The following UBE2E2 variants were observed in gnomAD, a reference collection of about 807,000 sequenced individuals.
The protein encoded by UBE2E2 is ubiquitin conjugating enzyme E2 E2.
A neutral mutation model predicts 24.7 loss-of-function variants in UBE2E2; 6 were observed. That is an observed-to-expected ratio of 0.24 (90% CI 0.13 to 0.48). The LOEUF (loss-of-function observed/expected upper bound fraction) is 0.48, where lower values mean the gene tolerates loss of function less well. Among genes scored for constraint, UBE2E2 ranks in the 20% least tolerant of loss-of-function variants. The pLI, the probability that UBE2E2 is intolerant of heterozygous loss-of-function variation, is 0.99. For missense variants in UBE2E2, 169 were observed against 245.0 expected, an observed-to-expected ratio of 0.69 and a Z score of 2.07; for synonymous variants, 104 against 83.6, an observed-to-expected ratio of 1.24 and a Z score of -1.33.
rs899945266 is a variant in UBE2E2, at chr3:23,583,163, C to G, written c.509-6571C>G. 6.6e-6 allele frequency among the ~76,000 whole-genome samples: 1 copy of G among 152,116 alleles called. No homozygotes were observed. Among genetic ancestry groups the G allele is most frequent in the African/African-American group, 2.4e-5 (1 of 41,430 alleles). On this transcript the variant is annotated intron_variant, in intron 5 of 5. Coordinates refer to ENST00000396703, the MANE Select transcript of UBE2E2 (RefSeq NM_152653.4). This position sits in a 1 kb window ranked among gnomAD's most constrained non-coding sequence, Gnocchi z 4.1. ...TCTGCATATGGCTAGCCAGTTAGCC[C>G]AGCACCATTTATTGAATAGGGAGTC...
At chr3:23,348,442 A>AT (rs1170407722) in intron 3 of UBE2E2, among the ~76,000 whole-genome samples, 1 of 151,948 alleles carries the variant, frequency 6.6e-6, no homozygotes, top group Non-Finnish European at 1.5e-5. Flanking sequence ...TAGAAAGTAG[A>AT]TTTTTTTCTT....
At chr3:23,439,017 AT>A (rs1213747469) in intron 3 of UBE2E2, among the ~76,000 whole-genome samples, 1 of 152,214 alleles carries the variant, frequency 6.6e-6, no homozygotes, top group Non-Finnish European at 1.5e-5. Context: ...ATATTGTTAG[AT>A]TTGCCCCTAA....
rs574843496 is a variant in UBE2E2 at position 23,561,476 on chromosome 3, C to T, written c.509-28258C>T. Among the ~76,000 whole-genome samples the T allele has an allele frequency of 3.9e-5, 6 of 152,150 alleles. No homozygotes were observed. The South Asian group carries it at 1.2e-3, about 32-fold the overall frequency. ...ACCATGCTGTTTTGGTTACTATGGCCTTGTAGTATAGTTTGAAGTCAGGTA... is the reference window on the plus strand; with the variant it reads ...ACCATGCTGTTTTGGTTACTATGGCTTTGTAGTATAGTTTGAAGTCAGGTA... On this transcript the variant is annotated intron_variant, in intron 5 of 5. Transcript: ENST00000396703.
chr3:23,498,810 T>C (rs1367440487), intron 3 of UBE2E2, among the ~76,000 whole-genome samples: 1 of 152,130 alleles, frequency 6.6e-6, no homozygotes, highest in Non-Finnish European at 1.5e-5. Context: ...CTAATCTCAT[T>C]TTGCCCTTCT....
intron 3 of UBE2E2, among the ~76,000 whole-genome samples, chr3:23,328,662 C>CTTTT (rs11433089): frequency 1.0e-4 from 15 of 145,464 alleles, no homozygotes; most frequent in African/African-American, 1.3e-4. Context: ...CTCTCTCTCT[C>CTTTT]TTTTTTTTTT....
chr3:23,541,757 T>A (rs946282673), intron 5 of UBE2E2, among the ~76,000 whole-genome samples: 6 of 152,212 alleles, frequency 3.9e-5, no homozygotes, highest in African/African-American at 1.4e-4. Context: ...TAAGACATAT[T>A]GTTTGTGCTA....
At chr3:23,208,555 G>T in intron 1 of UBE2E2, 137 bp from the exon 2 acceptor site, 1 of 601,830 alleles carries the variant, frequency 1.7e-6, no homozygotes, top group Non-Finnish European at 2.6e-6. Context: ...TCCCAAAGCT[G>T]CATTGTTTTG....
intron 3 of UBE2E2, among the ~76,000 whole-genome samples, chr3:23,301,253 T>G (rs1403021928): frequency 1.3e-5 from 2 of 152,240 alleles, no homozygotes; most frequent in East Asian, 3.8e-4. Context: ...CTCAGAGTAG[T>G]TTGATTGTCT....
chr3:23,550,012 A>G (rs1196237450), intron 5 of UBE2E2, among the ~76,000 whole-genome samples: 11 of 151,522 alleles, frequency 7.3e-5, no homozygotes, highest in African/African-American at 2.7e-4. Context: ...CAGCCTGGGT[A>G]ACAGAGAGAG....
At chr3:23,386,368 C>T (rs1696804346) in intron 3 of UBE2E2, among the ~76,000 whole-genome samples, 1 of 152,134 alleles carries the variant, frequency 6.6e-6, no homozygotes, top group African/African-American at 2.4e-5. Flanking sequence ...ACCTCATTAC[C>T]TCCCAAAGGC....
At chr3:23,304,431 G>T (rs534151484) in intron 3 of UBE2E2, among the ~76,000 whole-genome samples, 1 of 151,894 alleles carries the variant, frequency 6.6e-6, no homozygotes, top group Non-Finnish European at 1.5e-5. Flanking sequence ...TTTAAAATTT[G>T]TTTAAAATAT....
intron 3 of UBE2E2, among the ~76,000 whole-genome samples, chr3:23,226,314 A>G (rs948211161): frequency 1.3e-5 from 2 of 152,252 alleles, no homozygotes; most frequent in Non-Finnish European, 2.9e-5. Context: ...CGTGATCTCT[A>G]CAAAGAACAA....
Position 23,296,899 on chromosome 3 carries a change from C to T in UBE2E2, c.227+79587C>T, listed in dbSNP as rs183657045. ...GAGTCACCAAACCGACTTCCACAAT[C>T]GTTGAACTAGTTTACAGTCCCACCA... is the stretch of plus-strand genomic sequence containing the variant. On this transcript the variant is annotated intron_variant, in intron 3 of 5. Transcript: ENST00000396703. Among the ~76,000 whole-genome samples, 7 of 152,262 alleles carry T rather than the reference C, an allele frequency of 4.6e-5. No individual in the cohort carries two copies. The South Asian group carries it at 8.3e-4, about 18-fold the overall frequency.
At chr3:23,218,359 G>A (rs967973359) in intron 3 of UBE2E2, among the ~76,000 whole-genome samples, 1 of 151,950 alleles carries the variant, frequency 6.6e-6, no homozygotes, top group African/African-American at 2.4e-5. Flanking sequence ...TCTTTGTTAG[G>A]TAAAACCGTT....
At chr3:23,355,059 A>T (rs980067203) in intron 3 of UBE2E2, among the ~76,000 whole-genome samples, 2 of 152,054 alleles carry the variant, frequency 1.3e-5, no homozygotes, top group African/African-American at 4.8e-5. Flanking sequence ...ATAAAAAATG[A>T]TGAGTTCATG....
chr3:23,216,591 C>T (rs1240168712), intron 2 of UBE2E2, among the ~76,000 whole-genome samples: 1 of 152,058 alleles, frequency 6.6e-6, no homozygotes, highest in Non-Finnish European at 1.5e-5. Context: ...CAGTGGCGCA[C>T]TTTCAGCCTT....
In UBE2E2 at chr3:23,407,035, A is replaced by C. The variant is rs139369495; in HGVS notation, c.228-92573A>C. 1.2e-3 allele frequency among the ~76,000 whole-genome samples: 182 copies of C among 152,288 alleles called. No homozygotes were observed. Among genetic ancestry groups the C allele is most frequent in the African/African-American group, 4.2e-3 (173 of 41,558 alleles). On this transcript the variant is annotated intron_variant, in intron 3 of 5. Coordinates refer to ENST00000396703, the MANE Select transcript of UBE2E2 (RefSeq NM_152653.4). This position sits in a 1 kb window ranked among gnomAD's most constrained non-coding sequence, Gnocchi z 4.0. ...GCAATCATATTTGGTGATACTTTTA[A>C]TTCATTGGATTATTCCCTTCCCCAG...
At chr3:23,472,104 T>A (rs2125434940) in intron 3 of UBE2E2, among the ~76,000 whole-genome samples, 1 of 152,284 alleles carries the variant, frequency 6.6e-6, no homozygotes, top group South Asian at 2.1e-4. Context: ...GTTTTTTACA[T>A]GATATCCGAA....
intron 3 of UBE2E2, among the ~76,000 whole-genome samples, chr3:23,436,919 G>T (rs1698198021): frequency 6.6e-6 from 1 of 152,204 alleles, no homozygotes; most frequent in Non-Finnish European, 1.5e-5. Flanking sequence ...TATGAGCTGG[G>T]TGCTACAAGA....
Sources: gnomAD v4.1 joint callset for allele counts (sites outside exome capture counted in the v4.1 genomes callset) on GRCh38, gnomAD v4.1.1 for gene constraint, Gnocchi (gnomAD v3.1) non-coding constraint, MANE v1.5 for transcripts, NCBI Gene and HGNC (gene_info 2026-07-23, HGNC 2026-07-21) for gene names.